The following UBE2D2 variants were observed in gnomAD, a reference collection of about 807,000 sequenced individuals.
The protein encoded by UBE2D2 is ubiquitin-conjugating enzyme E2 D2.
UBE2D2 carries 2 observed loss-of-function variants against 24.2 expected under a neutral mutation model. The ratio of observed to expected loss-of-function variants is 0.08; its 90% confidence interval spans 0.03 to 0.26. The LOEUF is 0.26. Ranked by LOEUF, UBE2D2 falls within the 10% of genes least tolerant of loss-of-function variation. UBE2D2 has a pLI of 1.00. For missense variants in UBE2D2, 44 were observed against 177.6 expected, an observed-to-expected ratio of 0.25 and a Z score of 4.28; for synonymous variants, 58 against 56.5, an observed-to-expected ratio of 1.03 and a Z score of -0.12.
chr5:139,536,829 G>T (rs1752687384), intron 1 of UBE2D2, among the ~76,000 whole-genome samples: 1 of 151,980 alleles, frequency 6.6e-6, no homozygotes, highest in African/African-American at 2.4e-5. Flanking sequence ...GTAAATCCAA[G>T]ATATCATTTC....
At chr5:139,588,266 T>C (rs1753775251) in intron 1 of UBE2D2, among the ~76,000 whole-genome samples, 1 of 151,558 alleles carries the variant, frequency 6.6e-6, no homozygotes, top group Non-Finnish European at 1.5e-5. Flanking sequence ...TTTTGTTTTG[T>C]TTTGTTTTGT....
chr5:139,602,684 A>C lies in UBE2D2; in HGVS notation c.88+2249A>C, dbSNP rs572176292. On this transcript the variant is annotated intron_variant, in intron 2 of 6. Coordinates refer to ENST00000398733, the MANE Select transcript of UBE2D2 (RefSeq NM_003339.3). ...CGGGAGCGAGACTCTCTCAAAACAAAAACAACAACAACAACAACAAAAAAC... is the reference window on the plus strand; with the variant it reads ...CGGGAGCGAGACTCTCTCAAAACAACAACAACAACAACAACAACAAAAAAC... Among the ~76,000 whole-genome samples the C allele has an allele frequency of 2.8e-4, 43 of 152,218 alleles. 1 individual carries two copies. The highest frequency in any genetic ancestry group is 9.1e-4 in the African/African-American group (38 of 41,534).
intron 1 of UBE2D2, among the ~76,000 whole-genome samples, chr5:139,538,952 T>G (rs1462052032): frequency 6.6e-6 from 1 of 152,162 alleles, no homozygotes; most frequent in Non-Finnish European, 1.5e-5. Flanking sequence ...GAAATACTAG[T>G]TGGCAACAAA....
intron 1 of UBE2D2, among the ~76,000 whole-genome samples, chr5:139,597,561 C>CA (rs1485349656): frequency 6.6e-6 from 1 of 152,166 alleles, no homozygotes; most frequent in African/African-American, 2.4e-5. Flanking sequence ...AAAAGTAACT[C>CA]AGTTTGAAAG....
intron 2 of UBE2D2, among the ~76,000 whole-genome samples, chr5:139,601,549 G>A (rs1383390862): frequency 6.6e-6 from 1 of 152,166 alleles, no homozygotes; most frequent in Non-Finnish European, 1.5e-5. Flanking sequence ...GGGTAGCAGA[G>A]TTTACAGTGA....
intron 1 of UBE2D2, among the ~76,000 whole-genome samples, chr5:139,580,536 A>G (rs1169085096): frequency 6.6e-6 from 1 of 152,116 alleles, no homozygotes; most frequent in Non-Finnish European, 1.5e-5. Context: ...ATCTCGGCTT[A>G]CTGCAACCTC....
rs165180 is a variant in UBE2D2 at position 139,608,363 on chromosome 5, G to T, written c.89-6223G>T. Reference sequence around the variant, plus strand: ...CAGGAGAATTGCTTGAACCTGGGAGGCAGAGGTTACAGTGAGCTCAGATTG... The same window carrying T: ...CAGGAGAATTGCTTGAACCTGGGAGTCAGAGGTTACAGTGAGCTCAGATTG... On this transcript the variant is annotated intron_variant, in intron 2 of 6. Transcript: ENST00000398733. 8.5e-3 allele frequency among the ~76,000 whole-genome samples: 1,294 copies of T among 152,216 alleles called. 10 individuals are homozygous for T. The highest frequency in any genetic ancestry group is 0.029 in the African/African-American group (1,201 of 41,540).
intron 1 of UBE2D2, among the ~76,000 whole-genome samples, chr5:139,574,948 T>C (rs1321108991): frequency 6.6e-6 from 1 of 152,170 alleles, no homozygotes; most frequent in Non-Finnish European, 1.5e-5. Context: ...ACAAATGTGC[T>C]TGGCAGTTTT....
intron 5 of UBE2D2, among the ~76,000 whole-genome samples, chr5:139,615,276 A>G (rs1754399361): frequency 6.6e-6 from 1 of 152,206 alleles, no homozygotes; most frequent in Non-Finnish European, 1.5e-5. Flanking sequence ...CAAGGTCAGC[A>G]GATCGAGACC....
At chr5:139,569,688 A>C (rs552654944) in intron 1 of UBE2D2, among the ~76,000 whole-genome samples, 3 of 152,330 alleles carry the variant, frequency 2.0e-5, no homozygotes, top group African/African-American at 7.2e-5. Context: ...ATAAAATGTT[A>C]GCACTGCAGC....
intron 5 of UBE2D2, among the ~76,000 whole-genome samples, chr5:139,619,758 G>A (rs1000150948): frequency 1.3e-5 from 2 of 152,146 alleles, no homozygotes; most frequent in African/African-American, 4.8e-5. Context: ...AGCTACTTGG[G>A]AGGCTGAGGC....
chr5:139,571,078 T>C (rs910034147), intron 1 of UBE2D2, among the ~76,000 whole-genome samples: 4 of 152,152 alleles, frequency 2.6e-5, no homozygotes, highest in African/African-American at 9.7e-5. Flanking sequence ...ATATAAATCT[T>C]ACGTGTGAGT....
At chr5:139,548,895 CTG>C (rs1267394731) in intron 1 of UBE2D2, among the ~76,000 whole-genome samples, 3 of 151,052 alleles carry the variant, frequency 2.0e-5, no homozygotes, top group African/African-American at 7.3e-5. Context: ...TTTGCCCAGG[CTG>C]GAGTGCAGTG....
chr5:139,566,314 C>T (rs1357785474), intron 1 of UBE2D2, among the ~76,000 whole-genome samples: 6 of 151,952 alleles, frequency 3.9e-5, no homozygotes, highest in South Asian at 2.1e-4. Context: ...CCACTGTGCC[C>T]GGCCTATGGC....
chr5:139,623,621 T>C, intron 6 of UBE2D2, 160 bp downstream of exon 6: 1 of 498,458 alleles, frequency 2.0e-6, no homozygotes, highest in Non-Finnish European at 3.6e-6. Flanking sequence ...TTGAGTATTA[T>C]TATAAGTAGA....
In UBE2D2 at chr5:139,591,444, T is replaced by C. The variant is rs375203986; in HGVS notation, c.25-8928T>C. Among the ~76,000 whole-genome samples the C allele has an allele frequency of 3.0e-4, 45 of 152,284 alleles. No homozygotes were observed. In the Middle Eastern group the frequency reaches 0.01, roughly 35 times the overall value. On this transcript the variant is annotated intron_variant, in intron 1 of 6. Transcript: ENST00000398733. ...CCATGGTGGGTATTTTCTATACTTT[T>C]AGTTGCTTTGAATCTTTTTAGAGGG...
chr5:139,627,336 G>T lies in UBE2D2; in HGVS notation c.*535G>T. ...ACTCTACCCACATCCTGCATTTTAA[G>T]GTCTAAGTTTAACTGGTCAACATTT... On this transcript the variant is annotated 3_prime_UTR_variant, in exon 7 of 7. Coordinates refer to ENST00000398733, the MANE Select transcript of UBE2D2 (RefSeq NM_003339.3). 6.5e-6 allele frequency: 1 copy of T among 153,464 alleles called. No homozygotes were observed. Among genetic ancestry groups the T allele is most frequent in the Non-Finnish European group, 1.5e-5 (1 of 68,556 alleles). The allele number at this position is 153,464 out of a possible 1,614,324, so 9.5% of individuals were successfully genotyped here.
At chr5:139,529,152 G>A (rs1046773306) in intron 1 of UBE2D2, among the ~76,000 whole-genome samples, 3 of 152,126 alleles carry the variant, frequency 2.0e-5, no homozygotes, top group African/African-American at 7.2e-5. Context: ...GAATGCCTAA[G>A]AACTCCAAAA....
At chr5:139,576,043 C>T (rs897425371) in intron 1 of UBE2D2, among the ~76,000 whole-genome samples, 1 of 152,172 alleles carries the variant, frequency 6.6e-6, no homozygotes, top group African/African-American at 2.4e-5. Context: ...GCCTTGAAAT[C>T]AAAGTTGATT....
Sources: gnomAD v4.1 joint callset for allele counts (sites outside exome capture counted in the v4.1 genomes callset) on GRCh38, gnomAD v4.1.1 for gene constraint, MANE v1.5 for transcripts, NCBI Gene and HGNC (gene_info 2026-07-23, HGNC 2026-07-21) for gene names.